The following PCSK2 variants were observed in gnomAD, a reference collection of about 807,000 sequenced individuals.
PCSK2 encodes the protein neuroendocrine convertase 2.
Under a neutral mutation model 69.7 loss-of-function variants are expected in PCSK2, and 14 were observed. That is an observed-to-expected ratio of 0.20 (90% CI 0.13 to 0.31). The LOEUF (loss-of-function observed/expected upper bound fraction) is 0.31. Ranked by LOEUF, PCSK2 falls within the 10% of genes least tolerant of loss-of-function variation. The pLI is 1.00. For missense variants in PCSK2, 544 were observed against 842.5 expected (o/e 0.65, Z 4.39); for synonymous variants, 307 against 320.7 (o/e 0.96, Z 0.46).
intron 1 of PCSK2, among the ~76,000 whole-genome samples, chr20:17,241,652 C>T (rs1021375494): frequency 6.6e-6 from 1 of 152,164 alleles, no homozygotes; most frequent in Non-Finnish European, 1.5e-5. Context: ...ATACTAATGG[C>T]TTGATTAATT....
At chr20:17,281,375 G>T (rs986598079) in intron 2 of PCSK2, among the ~76,000 whole-genome samples, 1 of 152,156 alleles carries the variant, frequency 6.6e-6, no homozygotes, top group Admixed American at 6.5e-5. Flanking sequence ...TTAAGGTCAG[G>T]TGCTCCTGTC....
intron 2 of PCSK2, among the ~76,000 whole-genome samples, chr20:17,287,731 A>G (rs535461242): frequency 2.0e-5 from 3 of 151,936 alleles, no homozygotes; most frequent in East Asian, 3.9e-4. Flanking sequence ...CAATCCTACA[A>G]CTCCTTTGGT....
chr20:17,237,525 C>T (rs1277379039), intron 1 of PCSK2, among the ~76,000 whole-genome samples: 2 of 151,952 alleles, frequency 1.3e-5, no homozygotes, highest in Non-Finnish European at 2.9e-5. Context: ...AGCACACAGG[C>T]CTGTGAAAGG....
At chr20:17,288,800 G>C (rs950885143) in intron 2 of PCSK2, among the ~76,000 whole-genome samples, 1 of 152,206 alleles carries the variant, frequency 6.6e-6, no homozygotes, top group Non-Finnish European at 1.5e-5. Flanking sequence ...CTAGTCTCCA[G>C]AATCGTGAGA....
At chr20:17,421,153 T>A (rs113758145) in intron 6 of PCSK2, among the ~76,000 whole-genome samples, 1 of 152,190 alleles carries the variant, frequency 6.6e-6, no homozygotes, top group African/African-American at 2.4e-5. Context: ...GCATTGCTGA[T>A]TGAAAAAGGA....
intron 8 of PCSK2, among the ~76,000 whole-genome samples, chr20:17,445,394 A>G (rs2032678632): frequency 6.6e-6 from 1 of 152,174 alleles, no homozygotes. Flanking sequence ...TTGCTGCTGG[A>G]GGGAATATTT....
chr20:17,247,055 T>A (rs1245596802), intron 1 of PCSK2, among the ~76,000 whole-genome samples: 1 of 152,286 alleles, frequency 6.6e-6, no homozygotes, highest in Non-Finnish European at 1.5e-5. Context: ...ATATCAGTAA[T>A]GTGCAAAACC....
chr20:17,340,754 C>G (rs1025942522), intron 2 of PCSK2, among the ~76,000 whole-genome samples: 1 of 152,194 alleles, frequency 6.6e-6, no homozygotes, highest in Non-Finnish European at 1.5e-5. Context: ...GTTCCCCTCC[C>G]CTGTTCCTTG....
chr20:17,227,688 C>T (rs981720409), intron 1 of PCSK2, among the ~76,000 whole-genome samples: 4 of 152,166 alleles, frequency 2.6e-5, no homozygotes, highest in African/African-American at 9.7e-5. Context: ...CTAGTAAGGT[C>T]ATCAAAATAA....
At chr20:17,256,634 T>C (rs1366481476) in intron 1 of PCSK2, among the ~76,000 whole-genome samples, 2 of 152,136 alleles carry the variant, frequency 1.3e-5, no homozygotes, top group African/African-American at 2.4e-5. Flanking sequence ...TTCTTTTTTT[T>C]TAATTATACT....
chr20:17,461,485 A>G (rs1479285671), intron 10 of PCSK2, among the ~76,000 whole-genome samples: 2 of 152,212 alleles, frequency 1.3e-5, no homozygotes, highest in Non-Finnish European at 2.9e-5. Context: ...CACAGTTTAC[A>G]TTGTCAGATA....
chr20:17,375,047 A>G (rs1363082766), intron 5 of PCSK2, among the ~76,000 whole-genome samples: 1 of 152,212 alleles, frequency 6.6e-6, no homozygotes, highest in Non-Finnish European at 1.5e-5. Context: ...CATCCGTGAA[A>G]TGGGCAAAAT....
chr20:17,335,598 G>A (rs2424076), intron 2 of PCSK2, among the ~76,000 whole-genome samples: 92,264 of 151,824 alleles, frequency 0.61, 29,234 homozygotes, highest in East Asian at 0.97. Context: ...CCCATCACCC[G>A]AGCATTGTAC....
chr20:17,447,964 C>A (rs978734225), intron 8 of PCSK2, among the ~76,000 whole-genome samples: 1 of 152,124 alleles, frequency 6.6e-6, no homozygotes, highest in African/African-American at 2.4e-5. Flanking sequence ...CAAGAATCCA[C>A]AAAATATCAC....
chr20:17,364,308 G>T (rs1210956545), intron 4 of PCSK2, among the ~76,000 whole-genome samples: 1 of 152,196 alleles, frequency 6.6e-6, no homozygotes, highest in African/African-American at 2.4e-5. Flanking sequence ...CAGTAGGAAG[G>T]TCCAGCAGGG....
chr20:17,275,744 T>A (rs1988045879), intron 2 of PCSK2, among the ~76,000 whole-genome samples: 1 of 152,140 alleles, frequency 6.6e-6, no homozygotes, highest in Admixed American at 6.6e-5. Context: ...TCACACTGCT[T>A]GGTCTGGAAA....
chr20:17,341,463 A>C (rs1164196564), intron 2 of PCSK2, among the ~76,000 whole-genome samples: 1 of 152,196 alleles, frequency 6.6e-6, no homozygotes, highest in Non-Finnish European at 1.5e-5. Context: ...TGTATTTTGG[A>C]AATGTATATG....
At chr20:17,442,137 G>C (rs1414103237) in intron 8 of PCSK2, among the ~76,000 whole-genome samples, 2 of 151,892 alleles carry the variant, frequency 1.3e-5, no homozygotes, top group Non-Finnish European at 2.9e-5. Context: ...AGCCAGAGAT[G>C]GCCAACAGCC....
intron 2 of PCSK2, among the ~76,000 whole-genome samples, chr20:17,352,481 G>A (rs1290146539): frequency 2.0e-5 from 3 of 152,140 alleles, no homozygotes; most frequent in African/African-American, 7.2e-5. Flanking sequence ...AAGCAGCATG[G>A]TAGTGGTACA....
Sources: gnomAD v4.1 joint callset for allele counts (sites outside exome capture counted in the v4.1 genomes callset) on GRCh38, gnomAD v4.1.1 for gene constraint, MANE v1.5 for transcripts, NCBI Gene and HGNC (gene_info 2026-07-23, HGNC 2026-07-21) for gene names.